Variants in ABCC1 observed in about 807,000 individuals in gnomAD.
ABCC1 encodes the protein ATP binding cassette subfamily C member 1 (ABCC1 blood group), also known as multidrug resistance-associated protein 1.
Under a neutral mutation model 172.9 loss-of-function variants are expected in ABCC1, and 83 were observed. The observed-to-expected ratio is 0.48, with a 90% CI of 0.40 to 0.58. ABCC1 has a LOEUF of 0.58. Ranked by LOEUF, ABCC1 falls within the 20% of genes least tolerant of loss-of-function variation. The pLI, the probability that ABCC1 is intolerant of heterozygous loss-of-function variation, is 0.00. For missense variants in ABCC1, 1,817 were observed against 2,002.7 expected, an observed-to-expected ratio of 0.91 and a Z score of 1.77; for synonymous variants, 937 against 825.2, an observed-to-expected ratio of 1.14 and a Z score of -2.32.
rs45610938 is a variant in ABCC1 at position 15,959,479 on chromosome 16, C to A, written c.48+9680C>A. Among the ~76,000 whole-genome samples, 1,094 of 152,252 alleles carry A rather than the reference C, an allele frequency of 7.2e-3. 15 individuals carry two copies. The highest frequency in any genetic ancestry group is 0.025 in the African/African-American group (1,051 of 41,532). On this transcript the variant is annotated intron_variant, in intron 1 of 30. Coordinates refer to ENST00000399410, the MANE Select transcript of ABCC1 (RefSeq NM_004996.4). The stretch of plus-strand genomic sequence containing the variant: ...TAGCTGGGACCAGAGGTGCACACCA[C>A]CATACCCGGCTAATTTTTGTATTTT...
At chr16:15,966,651 C>CTTTTTT (rs34159339) in intron 1 of ABCC1, among the ~76,000 whole-genome samples, 1 of 138,654 alleles carries the variant, frequency 7.2e-6, no homozygotes, top group Admixed American at 7.3e-5. Context: ...TTCTCTCTCT[C>CTTTTTT]TTTTTTTTTT....
At chr16:16,008,131 G>A in intron 2 of ABCC1, 139 bp downstream of exon 2, 1 of 935,114 alleles carries the variant, frequency 1.1e-6, no homozygotes, top group East Asian at 2.7e-5. Context: ...AATAATGTGG[G>A]AGGTGAAAAC....
At chr16:16,024,508 C>T (rs1247114565) in intron 5 of ABCC1, among the ~76,000 whole-genome samples, 1 of 152,076 alleles carries the variant, frequency 6.6e-6, no homozygotes, top group Non-Finnish European at 1.5e-5. Flanking sequence ...CGTGCCACCA[C>T]GCCCAAGTAA....
intron 1 of ABCC1, among the ~76,000 whole-genome samples, chr16:15,965,754 G>A (rs1178918928): frequency 1.3e-5 from 2 of 151,944 alleles, no homozygotes; most frequent in East Asian, 3.9e-4. Context: ...GTACCATGAT[G>A]CCTGATTAAT....
intron 13 of ABCC1, among the ~76,000 whole-genome samples, chr16:16,070,098 T>G (rs1448812716): frequency 6.6e-6 from 1 of 152,104 alleles, no homozygotes; most frequent in Non-Finnish European, 1.5e-5. Flanking sequence ...TCGGCATTTT[T>G]TGGCTGGGCG....
chr16:15,956,949 G>A (rs2046011268), intron 1 of ABCC1, among the ~76,000 whole-genome samples: 1 of 152,158 alleles, frequency 6.6e-6, no homozygotes, highest in Admixed American at 6.6e-5. Context: ...ATGACATGAA[G>A]TATTACAGTG....
At chr16:16,035,799 T>A (rs1170985280) in intron 6 of ABCC1, among the ~76,000 whole-genome samples, 1 of 151,700 alleles carries the variant, frequency 6.6e-6, no homozygotes, top group Non-Finnish European at 1.5e-5. Context: ...CTGGCCCATA[T>A]CAGCCTTTTT....
intron 1 of ABCC1, among the ~76,000 whole-genome samples, chr16:15,962,674 G>A (rs140220063): frequency 2.0e-5 from 3 of 152,308 alleles, no homozygotes; most frequent in African/African-American, 7.2e-5. Context: ...AGAAAAGCCG[G>A]TATAAAACCA....
chr16:15,965,930 A>G (rs2046232303), intron 1 of ABCC1, among the ~76,000 whole-genome samples: 1 of 152,120 alleles, frequency 6.6e-6, no homozygotes, highest in Non-Finnish European at 1.5e-5. Context: ...TGAATACCAC[A>G]TGGGTAGAGT....
rs1177633928 is a variant in ABCC1, at chr16:16,068,084, G to A, written c.1678-72G>A. The stretch of plus-strand genomic sequence containing the variant: ...GGGAGGGCCCAAGCGCGTCTCCAGG[G>A]CCTGTCACTGCTCCTAGGATGATGA... On this transcript the variant is annotated intron_variant, in intron 12 of 30. Coordinates refer to ENST00000399410, the MANE Select transcript of ABCC1 (RefSeq NM_004996.4). 4 of 1,588,030 alleles carry A rather than the reference G, an allele frequency of 2.5e-6. No homozygotes were observed. In the East Asian group the frequency reaches 9.0e-5, roughly 36 times the overall value.
At chr16:15,963,498 C>T (rs947319465) in intron 1 of ABCC1, among the ~76,000 whole-genome samples, 2 of 152,186 alleles carry the variant, frequency 1.3e-5, no homozygotes, top group Non-Finnish European at 2.9e-5. Context: ...GGCTCCACCC[C>T]TGCAGCAAAC....
chr16:16,061,760 TTTTC>T (rs964794637), intron 12 of ABCC1, among the ~76,000 whole-genome samples: 3 of 147,986 alleles, frequency 2.0e-5, no homozygotes, highest in Non-Finnish European at 4.4e-5. Flanking sequence ...ATGGCTTTTT[TTTTC>T]TTTTTTTCTT....
chr16:16,079,239 C>A, intron 15 of ABCC1, 113 bp from the exon 16 acceptor site: 1 of 1,481,918 alleles, frequency 6.7e-7, no homozygotes, highest in Non-Finnish European at 9.2e-7. Context: ...TACAGTCTTG[C>A]CTTCTGTCTT....
intron 19 of ABCC1, among the ~76,000 whole-genome samples, chr16:16,091,456 C>T (rs993448126): frequency 1.4e-5 from 2 of 143,652 alleles, no homozygotes; most frequent in Non-Finnish European, 3.1e-5. Context: ...GGAGGGGAAA[C>T]AAAAAAGACA....
At chr16:16,003,494 A>T (rs2047396766) in intron 1 of ABCC1, among the ~76,000 whole-genome samples, 1 of 134,352 alleles carries the variant, frequency 7.4e-6, no homozygotes, top group Admixed American at 7.5e-5. Context: ...TGCATGGATG[A>T]ATGAATTGGT....
chr16:16,134,621 CGTTCTTTT>C, intron 28 of ABCC1, 113 bp downstream of exon 28: 2 of 495,092 alleles, frequency 4.0e-6, no homozygotes, highest in African/African-American at 4.5e-5. Context: ...CCTACTTCAT[CGTTCTTTT>C]TTTTTTTTTT....
intron 6 of ABCC1, among the ~76,000 whole-genome samples, chr16:16,034,798 G>C (rs772707755): frequency 1.3e-5 from 2 of 151,866 alleles, no homozygotes; most frequent in Non-Finnish European, 2.9e-5. Flanking sequence ...GTGTTGTCCA[G>C]GCTGGTCTCA....
intron 10 of ABCC1, among the ~76,000 whole-genome samples, chr16:16,049,038 A>G (rs45602037): frequency 0.012 from 1,785 of 152,026 alleles, 26 homozygotes; most frequent in African/African-American, 0.041. Flanking sequence ...GGCTGCATGT[A>G]TCTCAGAAAT....
Position 16,053,518 on chromosome 16 carries a change from G to A in ABCC1, c.1473+702G>A, listed in dbSNP as rs182970044. Among the ~76,000 whole-genome samples the A allele has an allele frequency of 9.9e-5, 15 of 151,752 alleles. No homozygotes were observed. The East Asian group carries it at 2.1e-3, about 22-fold the overall frequency. ...ATTATAAAAAAGTCCAAATCAAGCC[G>A]GGCTCACCCCTGTAATTTCAGCATT... On this transcript the variant is annotated intron_variant, in intron 11 of 30. Transcript: ENST00000399410.
Sources: gnomAD v4.1 joint callset for allele counts (sites outside exome capture counted in the v4.1 genomes callset) on GRCh38, gnomAD v4.1.1 for gene constraint, MANE v1.5 for transcripts, NCBI Gene and HGNC (gene_info 2026-07-23, HGNC 2026-07-21) for gene names.